Variants in GPD2 observed in about 807,000 individuals in gnomAD.
GPD2 encodes the protein glycerol-3-phosphate dehydrogenase 2, also known as glycerol-3-phosphate dehydrogenase, mitochondrial.
Under a neutral mutation model 82.4 loss-of-function variants are expected in GPD2, and 54 were observed. The observed-to-expected ratio is 0.66, with a 90% CI of 0.53 to 0.82. The LOEUF (loss-of-function observed/expected upper bound fraction) is 0.82, where lower values mean the gene tolerates loss of function less well. GPD2 is among the 40% of genes least tolerant of loss of function. GPD2 has a pLI of 0.00. For synonymous variants in GPD2, 288 were observed against 306.1 expected (o/e 0.94, Z 0.62); for missense variants, 748 against 896.2 (o/e 0.83, Z 2.11).
In GPD2 at chr2:156,531,111, C is replaced by T. The variant is rs147040742; in HGVS notation, c.661+17615C>T. ...AATATCTAGATGCGATTAAACACTT[C>T]ACTCACTGAAGTTTAATTATTTTAA... is the stretch of plus-strand genomic sequence containing the variant. On this transcript the variant is annotated intron_variant, in intron 6 of 16. Transcript: ENST00000438166. Among the ~76,000 whole-genome samples, 104 of 152,292 alleles carry T rather than the reference C, an allele frequency of 6.8e-4. 4 individuals carry two copies. The East Asian group carries it at 0.014, about 21-fold the overall frequency.
At chr2:156,551,200 TA>T (rs200854925) in intron 8 of GPD2, among the ~76,000 whole-genome samples, 1 of 84,170 alleles carries the variant, frequency 1.2e-5, no homozygotes, top group African/African-American at 3.4e-5. Flanking sequence ...TGAAATAGAT[TA>T]AAAAAAATAT....
Position 156,480,271 on chromosome 2 carries a change from A to C in GPD2, c.102+4064A>C, listed in dbSNP as rs147840979. ...TTTTTGAGCAACAGCAGTAGAGAGC[A>C]TTAAAGTCAGGGCTCCATGAGGAGT... On this transcript the variant is annotated intron_variant, in intron 2 of 16. Transcript: ENST00000438166. Among the ~76,000 whole-genome samples, 140 of 152,294 alleles carry C rather than the reference A, an allele frequency of 9.2e-4. 1 individual carries two copies. The highest frequency in any genetic ancestry group is 3.2e-3 in the African/African-American group (132 of 41,566).
chr2:156,472,475 T>A (rs1286517299), intron 1 of GPD2, among the ~76,000 whole-genome samples: 1 of 152,040 alleles, frequency 6.6e-6, no homozygotes. Flanking sequence ...CGCATGCCAC[T>A]ACTGCCTGGC....
intron 9 of GPD2, among the ~76,000 whole-genome samples, chr2:156,561,397 G>C (rs1219425775): frequency 2.0e-5 from 3 of 152,064 alleles, no homozygotes; most frequent in Non-Finnish European, 4.4e-5. Context: ...TTGAGTATAA[G>C]TAAGTCTGGT....
At chr2:156,581,901 T>C (rs760619038) in intron 16 of GPD2, among the ~76,000 whole-genome samples, 8 of 151,972 alleles carry the variant, frequency 5.3e-5, no homozygotes, top group Non-Finnish European at 8.8e-5. Flanking sequence ...ACCCTAAAAA[T>C]ATTTTGAGAA....
chr2:156,411,922 T>C, the GPD2 span, among the ~76,000 whole-genome samples: 1 of 152,236 alleles, frequency 6.6e-6, no homozygotes, highest in Non-Finnish European at 1.5e-5. Context: ...AATATATGCC[T>C]AGCCAGGAAA....
chr2:156,558,765 C>CTTTTTTTTTTTTTTT (rs34524248), intron 9 of GPD2, among the ~76,000 whole-genome samples: 2 of 40,866 alleles, frequency 4.9e-5, no homozygotes, highest in Non-Finnish European at 8.3e-5. Flanking sequence ...GCCCAGCTAA[C>CTTTTTTTTTTTTTTT]TTTTTTTTTT....
At position 156,476,219 on chromosome 2, in the gene GPD2, T is replaced by C; in HGVS notation, c.102+12T>C. The C allele has an allele frequency of 7.1e-7, 1 of 1,403,300 alleles. No homozygotes were observed. The highest frequency in any genetic ancestry group is 1.0e-6 in the Non-Finnish European group (1 of 987,680). 86.9% of individuals were successfully genotyped at this position (1,403,300 alleles called of 1,614,324 possible). On this transcript the variant is annotated intron_variant, in intron 2 of 16. Transcript: ENST00000438166. ...ACAGAAGGAAACAAGTAAGTAACTG[T>C]ACTTGTGTTGATTACAGTATGCAAC... is the stretch of plus-strand genomic sequence containing the variant.
At chr2:156,444,538 C>A (rs550547447) in intron 1 of GPD2, among the ~76,000 whole-genome samples, 152 of 152,130 alleles carry the variant, frequency 1.0e-3, no homozygotes, top group Non-Finnish European at 1.6e-3. Context: ...CGTGGCAAAA[C>A]CCTGTCTCTA....
intron 13 of GPD2, among the ~76,000 whole-genome samples, chr2:156,574,171 T>C (rs564956651): frequency 6.6e-6 from 1 of 151,956 alleles, no homozygotes; most frequent in South Asian, 2.1e-4. Context: ...GGCAATGTCT[T>C]AGGGAGTTGG....
At chr2:156,516,411 C>T (rs550469910) in intron 6 of GPD2, among the ~76,000 whole-genome samples, 58 of 152,214 alleles carry the variant, frequency 3.8e-4, no homozygotes, top group African/African-American at 1.3e-3. Flanking sequence ...GAGAAAGTGG[C>T]GTAAGTAATC....
intron 4 of GPD2, 90 bp from the exon 5 acceptor site, chr2:156,512,130 G>A (rs1685018751): frequency 1.3e-6 from 1 of 766,920 alleles, no homozygotes; most frequent in Non-Finnish European, 2.4e-6. Context: ...AGGTTTCTGT[G>A]TATCAATCAG....
intron 1 of GPD2, among the ~76,000 whole-genome samples, chr2:156,446,601 G>A (rs1682378460): frequency 1.3e-5 from 2 of 150,524 alleles, no homozygotes; most frequent in Non-Finnish European, 3.0e-5. Flanking sequence ...TTAAGATGGA[G>A]TCTGGCTCTG....
In GPD2 at chr2:156,496,050, C is replaced by T. The variant is rs576961259; in HGVS notation, c.109C>T (p.Leu37=). The change falls in exon 3 of 17, where the codon CTG becomes TTG. Residue 37 remains leucine, a synonymous_variant. Transcript: ENST00000438166. ...FAHYRRKQMN[L]AYVKAADCIS... ...TGATCTGCTTTTACATCAGATGAACCTGGCCTATGTTAAAGCAGCAGACTG... is the reference window on the plus strand; with the variant it reads ...TGATCTGCTTTTACATCAGATGAACTTGGCCTATGTTAAAGCAGCAGACTG... 7.8e-5 allele frequency: 126 copies of T among 1,611,210 alleles called. 1 individual carries two copies. In the South Asian group the frequency reaches 1.2e-3, roughly 16 times the overall value.
chr2:156,427,935 G>A, the GPD2 span, among the ~76,000 whole-genome samples: 4 of 152,214 alleles, frequency 2.6e-5, no homozygotes, highest in African/African-American at 9.6e-5. Flanking sequence ...CTGTATTCAT[G>A]GTCACTCTGT....
chr2:156,496,145 T>A lies in GPD2; in HGVS notation c.204T>A (p.Ser68=). 2.5e-6 allele frequency: 4 copies of A among 1,612,968 alleles called. No homozygotes were observed. The highest frequency in any genetic ancestry group is 3.4e-6 in the Non-Finnish European group (4 of 1,178,982). The change falls in exon 3 of 17, where the codon TCT becomes TCA. Residue 68 remains serine, a synonymous_variant. Transcript: ENST00000438166. ...EAQLLTLQNT[S]EFDILVIGGG... ...AGCTACTGACTTTGCAAAACACATCTGAATTTGATATCCTTGTTATTGGAG... is the reference window on the plus strand; with the variant it reads ...AGCTACTGACTTTGCAAAACACATCAGAATTTGATATCCTTGTTATTGGAG...
Position 156,549,691 on chromosome 2 carries a change from G to A in GPD2, c.745G>A (p.Val249Ile). Residue 249 changes from valine (V) to isoleucine (I), a missense_variant, in exon 7 of 17, where the codon GTA (valine) becomes ATA (isoleucine). Physicochemically the swap from Val to Ile is conservative, Grantham distance 29. Around this residue, in one of 3 missense-constraint regions of GPD2, gnomAD observed 692 missense variants for 809.7 expected, o/e 0.85. Transcript: ENST00000438166. ...GGCTGCCACAGCCAATTACATGGAGGTAGTGAGCTTGCTCAAGAAGACAGA... is the reference window on the plus strand; with the variant it reads ...GGCTGCCACAGCCAATTACATGGAGATAGTGAGCTTGCTCAAGAAGACAGA... The part of the protein sequence containing the change: ...YGAATANYME[V>I]VSLLKKTDPQ... The A allele has an allele frequency of 6.2e-7, 1 of 1,613,924 alleles. No individual in the cohort carries two copies. The highest frequency in any genetic ancestry group is 8.5e-7 in the Non-Finnish European group (1 of 1,179,746).
chr2:156,407,193 C>T, the GPD2 span, among the ~76,000 whole-genome samples: 1 of 152,340 alleles, frequency 6.6e-6, no homozygotes, highest in South Asian at 2.1e-4. Flanking sequence ...GCCTCAGCAA[C>T]AGATCCCAGG....
At chr2:156,418,301 A>G in the GPD2 span, among the ~76,000 whole-genome samples, 1 of 151,846 alleles carries the variant, frequency 6.6e-6, no homozygotes, top group Non-Finnish European at 1.5e-5. Context: ...GAGACAGGAG[A>G]ATTGCTTGAA....
Sources: gnomAD v4.1 joint callset for allele counts (sites outside exome capture counted in the v4.1 genomes callset) on GRCh38, gnomAD v4.1.1 for gene constraint, gnomAD v4.1.1 regional missense constraint, MANE v1.5 for transcripts, NCBI Gene and HGNC (gene_info 2026-07-23, HGNC 2026-07-21) for gene names.